SPATA16: variants seen among roughly 807,000 people sequenced by gnomAD.
SPATA16 encodes spermatogenesis-associated protein 16.
A neutral mutation model predicts 63.3 loss-of-function variants in SPATA16; 36 were observed. The ratio of observed to expected loss-of-function variants is 0.57; its 90% confidence interval spans 0.44 to 0.75. The LOEUF (loss-of-function observed/expected upper bound fraction) is 0.75, where lower values mean the gene tolerates loss of function less well. Ranked by LOEUF, SPATA16 falls within the 30% of genes least tolerant of loss-of-function variation. The pLI is 0.00. For synonymous variants in SPATA16, 203 were observed against 216.7 expected, an observed-to-expected ratio of 0.94 and a Z score of 0.56; for missense variants, 646 against 679.3, an observed-to-expected ratio of 0.95 and a Z score of 0.54.
intron 4 of SPATA16, among the ~76,000 whole-genome samples, chr3:173,019,021 G>A (rs972212845): frequency 1.3e-5 from 2 of 152,030 alleles, no homozygotes; most frequent in Non-Finnish European, 2.9e-5. Flanking sequence ...AAAATACATT[G>A]GAGTCCAAGA....
At chr3:172,952,008 A>G (rs1733445232) in intron 6 of SPATA16, among the ~76,000 whole-genome samples, 1 of 152,192 alleles carries the variant, frequency 6.6e-6, no homozygotes, top group Non-Finnish European at 1.5e-5. Flanking sequence ...GTCTTGCTGC[A>G]GTGAAAGCTT....
At chr3:173,118,162 C>T (rs1352698484) in intron 1 of SPATA16, among the ~76,000 whole-genome samples, 1 of 152,208 alleles carries the variant, frequency 6.6e-6, no homozygotes, top group Admixed American at 6.5e-5. Context: ...ATACACTACT[C>T]ACCTGAATAA....
rs9290466 is a variant in SPATA16, at chr3:173,135,063, T to C, written c.-19+6040A>G. 2.9e-3 allele frequency among the ~76,000 whole-genome samples: 440 copies of C among 152,326 alleles called. 2 individuals are homozygous for C. Among genetic ancestry groups the C allele is most frequent in the African/African-American group, 0.01 (423 of 41,566 alleles). ...TAAAAGAAAATATCTGTAGTACATA[T>C]ATTTGACGTGGACTTGTATCCAGAA... is the stretch of plus-strand genomic sequence containing the variant. On this transcript the variant is annotated intron_variant, in intron 1 of 10. Coordinates refer to ENST00000351008, the MANE Select transcript of SPATA16 (RefSeq NM_031955.6).
chr3:172,980,267 G>A (rs902595558), intron 4 of SPATA16, among the ~76,000 whole-genome samples: 3 of 152,212 alleles, frequency 2.0e-5, no homozygotes, highest in African/African-American at 7.2e-5. Flanking sequence ...CAAGTACCAT[G>A]TGAGATCCTG....
chr3:172,900,052 C>T (rs1479635447), intron 10 of SPATA16, among the ~76,000 whole-genome samples: 5 of 150,044 alleles, frequency 3.3e-5, no homozygotes, highest in Admixed American at 6.7e-5. Context: ...TTTGATATTT[C>T]TAGGTCTTTC....
chr3:173,136,023 A>T (rs1228411022), intron 1 of SPATA16, among the ~76,000 whole-genome samples: 1 of 152,238 alleles, frequency 6.6e-6, no homozygotes, highest in East Asian at 1.9e-4. Context: ...GCCTAAACAC[A>T]TGCCCCCTAC....
At chr3:172,917,881 A>G (rs920566180) in intron 8 of SPATA16, among the ~76,000 whole-genome samples, 2 of 152,374 alleles carry the variant, frequency 1.3e-5, no homozygotes, top group African/African-American at 4.8e-5. Flanking sequence ...TCTGACTGAC[A>G]GCAACCTCTG....
At chr3:173,049,997 G>A (rs1736049037) in intron 2 of SPATA16, among the ~76,000 whole-genome samples, 1 of 151,922 alleles carries the variant, frequency 6.6e-6, no homozygotes, top group South Asian at 2.1e-4. Context: ...ATATACTGGG[G>A]GAAATTTTCT....
chr3:172,910,153 G>C (rs1254957478), intron 10 of SPATA16, among the ~76,000 whole-genome samples: 2 of 149,688 alleles, frequency 1.3e-5, no homozygotes, highest in Non-Finnish European at 3.0e-5. Flanking sequence ...GAGTGCAGTG[G>C]TGCGATCTTG....
At chr3:172,934,896 A>G (rs1487311810) in intron 6 of SPATA16, among the ~76,000 whole-genome samples, 1 of 152,144 alleles carries the variant, frequency 6.6e-6, no homozygotes, top group Non-Finnish European at 1.5e-5. Flanking sequence ...TGATGAAACA[A>G]CTTTTAATCT....
chr3:173,052,435 T>C (rs1235325319), intron 2 of SPATA16, among the ~76,000 whole-genome samples: 1 of 152,218 alleles, frequency 6.6e-6, no homozygotes, highest in East Asian at 1.9e-4. Context: ...TATGTATGTT[T>C]GTTGAATTCT....
intron 6 of SPATA16, among the ~76,000 whole-genome samples, chr3:172,945,175 C>T (rs1733250470): frequency 1.3e-5 from 2 of 152,112 alleles, no homozygotes; most frequent in South Asian, 4.1e-4. Flanking sequence ...TGTCTTTTAG[C>T]ATATTTCAAA....
intron 6 of SPATA16, among the ~76,000 whole-genome samples, chr3:172,931,676 A>G (rs1352410022): frequency 6.6e-6 from 1 of 152,270 alleles, no homozygotes; most frequent in Admixed American, 6.5e-5. Flanking sequence ...AACTGCAAAA[A>G]ATCAAAACTA....
At chr3:172,983,594 A>G (rs1396585571) in intron 4 of SPATA16, among the ~76,000 whole-genome samples, 1 of 152,186 alleles carries the variant, frequency 6.6e-6, no homozygotes, top group Non-Finnish European at 1.5e-5. Flanking sequence ...AAGCTCAAGA[A>G]CATATGTATA....
intron 2 of SPATA16, among the ~76,000 whole-genome samples, chr3:173,053,870 A>T (rs888205734): frequency 6.6e-6 from 1 of 152,132 alleles, no homozygotes; most frequent in African/African-American, 2.4e-5. Context: ...ATTATAAAAA[A>T]ATCTAAAGAT....
At chr3:172,911,886 T>C (rs545528700) in intron 10 of SPATA16, among the ~76,000 whole-genome samples, 2 of 152,354 alleles carry the variant, frequency 1.3e-5, no homozygotes, top group Admixed American at 1.3e-4. Flanking sequence ...ACCTGGATGA[T>C]GATCCCTACT....
intron 10 of SPATA16, among the ~76,000 whole-genome samples, chr3:172,898,621 T>C (rs1225148917): frequency 6.8e-6 from 1 of 146,830 alleles, no homozygotes; most frequent in Admixed American, 6.7e-5. Context: ...TTAGTCTTGC[T>C]AGATTTTTTT....
intron 1 of SPATA16, among the ~76,000 whole-genome samples, chr3:173,129,389 A>G (rs1738310749): frequency 1.3e-5 from 2 of 152,178 alleles, no homozygotes; most frequent in Admixed American, 6.6e-5. Context: ...TCCTTACCCA[A>G]AAAACATGAA....
In SPATA16 at chr3:172,963,186, G is replaced by A. The variant is rs190773058; in HGVS notation, c.934-6362C>T. Among the ~76,000 whole-genome samples, 265 of 152,198 alleles carry A rather than the reference G, an allele frequency of 1.7e-3. 1 individual carries two copies. Among genetic ancestry groups the A allele is most frequent in the African/African-American group, 5.5e-3 (227 of 41,560 alleles). The stretch of plus-strand genomic sequence containing the variant: ...CCTGGGTTTATGGAAGCTATTTTAT[G>A]AAAGAACATTCGCAATAAGTTTCAT... On this transcript the variant is annotated intron_variant, in intron 5 of 10. Transcript: ENST00000351008.
Sources: allele counts gnomAD v4.1 joint callset (sites outside exome capture counted in the v4.1 genomes callset), GRCh38; gene constraint gnomAD v4.1.1; transcripts MANE v1.5; gene names NCBI Gene and HGNC (gene_info 2026-07-23, HGNC 2026-07-21).